The following SEMA3E variants were observed in gnomAD, a reference collection of about 807,000 sequenced individuals.
SEMA3E encodes the protein semaphorin 3E.
A neutral mutation model predicts 93.6 loss-of-function variants in SEMA3E; 49 were observed. The ratio of observed to expected loss-of-function variants is 0.52; its 90% confidence interval spans 0.42 to 0.66. The LOEUF (loss-of-function observed/expected upper bound fraction) is 0.66. Among genes scored for constraint, SEMA3E ranks in the 30% least tolerant of loss-of-function variants. The pLI is 0.00. For missense variants in SEMA3E, 906 were observed against 964.8 expected (o/e 0.94, Z 0.81); for synonymous variants, 363 against 330.7 (o/e 1.10, Z -1.06).
chr7:83,598,270 T>C lies in SEMA3E; in HGVS notation c.115+50158A>G, dbSNP rs565211186. Among the ~76,000 whole-genome samples the C allele has an allele frequency of 5.6e-4, 86 of 152,262 alleles. 1 individual carries two copies. The highest frequency in any genetic ancestry group is 1.1e-3 in the Non-Finnish European group (76 of 68,024). Reference sequence around the variant, plus strand: ...CCTAAATGCAGTAAGATCTTGGAGCTAGCATTATTCTAGTATTTCTCTGCA... The same window carrying C: ...CCTAAATGCAGTAAGATCTTGGAGCCAGCATTATTCTAGTATTTCTCTGCA... On this transcript the variant is annotated intron_variant, in intron 1 of 16. Coordinates refer to ENST00000643230, the MANE Select transcript of SEMA3E (RefSeq NM_012431.3).
intron 1 of SEMA3E, among the ~76,000 whole-genome samples, chr7:83,525,783 GGTTT>G (rs773858946): frequency 2.3e-4 from 14 of 60,706 alleles, no homozygotes; most frequent in Non-Finnish European, 4.4e-4. Flanking sequence ...TGTTTGTTTG[GGTTT>G]TTTTTTTTTT....
chr7:83,573,742 C>T (rs144860471), intron 1 of SEMA3E, among the ~76,000 whole-genome samples: 141 of 152,042 alleles, frequency 9.3e-4, no homozygotes, highest in African/African-American at 3.3e-3. Context: ...GAAAGGTCTA[C>T]ATGTAGACGA....
chr7:83,553,036 T>C (rs1231342142), intron 1 of SEMA3E, among the ~76,000 whole-genome samples: 1 of 152,126 alleles, frequency 6.6e-6, no homozygotes, highest in Non-Finnish European at 1.5e-5. Context: ...TCTTTGTACC[T>C]ACTCCTGTTC....
intron 1 of SEMA3E, among the ~76,000 whole-genome samples, chr7:83,520,746 T>C (rs941932145): frequency 6.6e-6 from 1 of 152,212 alleles, no homozygotes; most frequent in Non-Finnish European, 1.5e-5. Context: ...TTTTGAGTCC[T>C]AAAGACACAG....
intron 5 of SEMA3E, among the ~76,000 whole-genome samples, chr7:83,412,068 G>C (rs935198529): frequency 1.3e-5 from 2 of 152,136 alleles, no homozygotes; most frequent in Non-Finnish European, 2.9e-5. Context: ...GAATCAAAGA[G>C]ACTGCCATGT....
intron 1 of SEMA3E, among the ~76,000 whole-genome samples, chr7:83,646,067 T>C (rs302119): frequency 0.5 from 76,335 of 151,652 alleles, 19,583 homozygotes; most frequent in Middle Eastern, 0.59. Flanking sequence ...TAGTAGGCTA[T>C]CTCCAGGGAG....
intron 8 of SEMA3E, 88 bp downstream of exon 8, chr7:83,405,856 AG>A (rs1311520459): frequency 1.3e-5 from 14 of 1,052,766 alleles, no homozygotes. Context: ...TCAAATACAC[AG>A]AAAGCAAGTT....
intron 2 of SEMA3E, among the ~76,000 whole-genome samples, chr7:83,483,884 A>T (rs1790198193): frequency 3.3e-5 from 5 of 152,168 alleles, no homozygotes; most frequent in Admixed American, 3.3e-4. Flanking sequence ...GGACTAATCC[A>T]TCATGACGTA....
chr7:83,437,681 G>A (rs556689546), intron 4 of SEMA3E, among the ~76,000 whole-genome samples: 1 of 152,240 alleles, frequency 6.6e-6, no homozygotes, highest in Admixed American at 6.5e-5. Context: ...AAACTAAGAA[G>A]CAGTTATATT....
intron 4 of SEMA3E, among the ~76,000 whole-genome samples, chr7:83,437,053 G>A (rs752627986): frequency 6.6e-5 from 10 of 152,084 alleles, no homozygotes; most frequent in Non-Finnish European, 1.3e-4. Flanking sequence ...TTACTATCAT[G>A]AGAACAGCAT....
chr7:83,522,732 G>A (rs897374470), intron 1 of SEMA3E, among the ~76,000 whole-genome samples: 1 of 152,070 alleles, frequency 6.6e-6, no homozygotes, highest in African/African-American at 2.4e-5. Flanking sequence ...ATTGTTAAAT[G>A]TTACCATTTT....
chr7:83,637,789 CT>C (rs202153375), intron 1 of SEMA3E, among the ~76,000 whole-genome samples: 16,479 of 128,802 alleles, frequency 0.13, 876 homozygotes, highest in South Asian at 0.19. Context: ...TCTGGCAGTT[CT>C]TTTTTTTTTT....
At chr7:83,452,217 G>A (rs1789378135) in intron 4 of SEMA3E, among the ~76,000 whole-genome samples, 1 of 152,106 alleles carries the variant, frequency 6.6e-6, no homozygotes, top group African/African-American at 2.4e-5. Flanking sequence ...AATAAGGACT[G>A]CAAAATCAGA....
At chr7:83,368,657 T>C (rs1306095750) in intron 16 of SEMA3E, among the ~76,000 whole-genome samples, 1 of 152,220 alleles carries the variant, frequency 6.6e-6, no homozygotes, top group African/African-American at 2.4e-5. Flanking sequence ...AAAATCCAGT[T>C]CCTGCTCTAA....
intron 2 of SEMA3E, among the ~76,000 whole-genome samples, chr7:83,486,428 A>G (rs1790257080): frequency 1.3e-5 from 2 of 152,144 alleles, no homozygotes; most frequent in African/African-American, 4.8e-5. Context: ...GATTTAAAAA[A>G]AATGTTATAT....
chr7:83,518,180 T>C (rs1255144393), intron 1 of SEMA3E, among the ~76,000 whole-genome samples: 2 of 152,084 alleles, frequency 1.3e-5, no homozygotes, highest in Non-Finnish European at 2.9e-5. Context: ...AGTCTCAATT[T>C]GAGAGGTATT....
intron 4 of SEMA3E, among the ~76,000 whole-genome samples, chr7:83,423,273 G>A (rs1788704634): frequency 2.0e-5 from 3 of 152,044 alleles, no homozygotes; most frequent in Admixed American, 1.3e-4. Context: ...GCATACTTGA[G>A]CCTTGAATAT....
chr7:83,418,420 G>C lies in SEMA3E; in HGVS notation c.520C>G (p.Pro174Ala). Residue 174 changes from proline to alanine, a missense_variant, in exon 5 of 17, where the codon CCC (proline) becomes GCC (alanine). Pro to Ala is a conservative substitution (Grantham distance 27). Transcript: ENST00000643230. ...ERGRGRCPFD[P>A]SSSFISTLIG... ...AAAGTGGAGATGAAGGAGGAGCTGG[G>C]GTCAAAAGGACATCTGCCCCTTCCT... 1 of 1,611,866 alleles carries C rather than the reference G, an allele frequency of 6.2e-7. No individual in the cohort carries two copies. Among genetic ancestry groups the C allele is most frequent in the Non-Finnish European group, 8.5e-7 (1 of 1,178,858 alleles).
At chr7:83,500,692 A>T (rs1790582045) in intron 1 of SEMA3E, among the ~76,000 whole-genome samples, 1 of 144,868 alleles carries the variant, frequency 6.9e-6, no homozygotes, top group Admixed American at 7.2e-5. Context: ...TCCCAGGTTC[A>T]AGCGATTCTC....
Sources: gnomAD v4.1 joint callset for allele counts (sites outside exome capture counted in the v4.1 genomes callset) on GRCh38, gnomAD v4.1.1 for gene constraint, MANE v1.5 for transcripts, NCBI Gene and HGNC (gene_info 2026-07-23, HGNC 2026-07-21) for gene names.